Variants in GMDS observed in about 807,000 individuals in gnomAD.
The protein encoded by GMDS is GDP-mannose 4,6-dehydratase.
In GMDS, 20 loss-of-function variants were observed where a neutral mutation model predicts 49.9. The observed-to-expected ratio is 0.40, with a 90% CI of 0.28 to 0.58. The LOEUF is 0.58. Ranked by LOEUF, GMDS falls within the 20% of genes least tolerant of loss-of-function variation. The pLI, the probability that GMDS is intolerant of heterozygous loss-of-function variation, is 0.42. For missense variants in GMDS, 362 were observed against 481.4 expected (o/e 0.75, Z 2.32); for synonymous variants, 177 against 178.6 (o/e 0.99, Z 0.07).
intron 2 of GMDS, among the ~76,000 whole-genome samples, chr6:2,122,101 T>C (rs1775169144): frequency 6.6e-6 from 1 of 152,198 alleles, no homozygotes; most frequent in African/African-American, 2.4e-5. Flanking sequence ...AAAGGCTAGA[T>C]TCAAAATAAT....
At chr6:2,211,628 C>A (rs1306082963) in intron 1 of GMDS, among the ~76,000 whole-genome samples, 1 of 152,080 alleles carries the variant, frequency 6.6e-6, no homozygotes, top group African/African-American at 2.4e-5. Flanking sequence ...CTCTTTGTAG[C>A]AAGATCTTCC....
At chr6:1,927,850 G>A (rs1762101283) in intron 7 of GMDS, among the ~76,000 whole-genome samples, 1 of 152,126 alleles carries the variant, frequency 6.6e-6, no homozygotes, top group Admixed American at 6.5e-5. Context: ...AATTACAAAG[G>A]TTTACACATG....
At chr6:1,916,528 G>A (rs1761408452) in intron 7 of GMDS, among the ~76,000 whole-genome samples, 1 of 151,964 alleles carries the variant, frequency 6.6e-6, no homozygotes, top group Admixed American at 6.6e-5. Context: ...AGAGGGAAAG[G>A]AGAGTGAAAG....
chr6:1,869,262 T>G (rs1319254985), intron 7 of GMDS, among the ~76,000 whole-genome samples: 1 of 152,194 alleles, frequency 6.6e-6, no homozygotes, highest in East Asian at 1.9e-4. Flanking sequence ...GTTTTCAAAG[T>G]CGTAGATTGT....
intron 7 of GMDS, among the ~76,000 whole-genome samples, chr6:1,852,094 C>T (rs531792434): frequency 1.3e-5 from 2 of 152,340 alleles, no homozygotes; most frequent in East Asian, 3.9e-4. Context: ...TGGGCCATAG[C>T]GGAGGCTCTG....
chr6:2,017,178 C>T (rs1001845996), intron 4 of GMDS, among the ~76,000 whole-genome samples: 14 of 151,766 alleles, frequency 9.2e-5, no homozygotes, highest in African/African-American at 2.4e-5. Flanking sequence ...GTGGGGGTGG[C>T]GAGGGTGGAG....
intron 7 of GMDS, among the ~76,000 whole-genome samples, chr6:1,814,480 C>T (rs1379050442): frequency 6.6e-6 from 1 of 151,920 alleles, no homozygotes; most frequent in Non-Finnish European, 1.5e-5. Context: ...ACCACCCACA[C>T]TGTATGTTCT....
intron 7 of GMDS, among the ~76,000 whole-genome samples, chr6:1,910,550 C>A (rs1196561695): frequency 1.3e-5 from 2 of 151,972 alleles, no homozygotes; most frequent in Admixed American, 6.6e-5. Flanking sequence ...TGAACTCCAG[C>A]CCCCTCCCTT....
Position 1,742,494 on chromosome 6 carries a change from T to C in GMDS, c.864A>G (p.Ser288=), listed in dbSNP as rs760299484. 1.2e-6 allele frequency: 2 copies of C among 1,606,060 alleles called. No homozygotes were observed. Among genetic ancestry groups the C allele is most frequent in the Non-Finnish European group, 1.7e-6 (2 of 1,172,744 alleles). The part of the protein sequence containing the change: ...VHSVREFVEK[S]FLHIGKTIVW... The stretch of plus-strand genomic sequence containing the variant: ...CAATGGTTTTTCCAATGTGCAAGAA[T>C]GATTTCTCGACAAATTCCCGGACAC... The change falls in exon 8 of 11, where the codon TCA becomes TCG. Residue 288 remains serine, a synonymous_variant. Transcript: ENST00000380815.
chr6:1,978,284 C>T (rs1450505884), intron 4 of GMDS, among the ~76,000 whole-genome samples: 1 of 152,156 alleles, frequency 6.6e-6, no homozygotes, highest in South Asian at 2.1e-4. Context: ...ACGGGACCTA[C>T]CTGGTGGGCC....
chr6:1,669,869 C>T (rs372086638), intron 9 of GMDS, among the ~76,000 whole-genome samples: 9 of 146,816 alleles, frequency 6.1e-5, no homozygotes, highest in Admixed American at 4.2e-4. Flanking sequence ...GCCGAGATCG[C>T]GCCACTGCAC....
chr6:2,124,559 C>T (rs567217562), intron 2 of GMDS, 128 bp downstream of exon 2: 16 of 756,224 alleles, frequency 2.1e-5, no homozygotes, highest in South Asian at 1.4e-4. Context: ...CATTCTTCCC[C>T]GGATTCTGAT....
In GMDS at chr6:2,066,061, A is replaced by G. The variant is rs187967445; in HGVS notation, c.345+49710T>C. On this transcript the variant is annotated intron_variant, in intron 4 of 10. Coordinates refer to ENST00000380815, the MANE Select transcript of GMDS (RefSeq NM_001500.4). ...CCTCAAAGGGAAGCCCATCAGACTA[A>G]GCGGATCTCTCGGCAGAAACTCTAC... 1.7e-3 allele frequency among the ~76,000 whole-genome samples: 265 copies of G among 152,318 alleles called. 1 individual carries two copies. The highest frequency in any genetic ancestry group is 6.0e-3 in the South Asian group (29 of 4,824).
intron 9 of GMDS, among the ~76,000 whole-genome samples, chr6:1,637,906 T>C (rs1763214383): frequency 6.6e-6 from 1 of 152,230 alleles, no homozygotes; most frequent in Admixed American, 6.5e-5. Flanking sequence ...TCGAGGTGGA[T>C]CCTGGATTCA....
chr6:1,764,901 G>A (rs1235735478), intron 7 of GMDS, among the ~76,000 whole-genome samples: 2 of 152,164 alleles, frequency 1.3e-5, no homozygotes, highest in African/African-American at 4.8e-5. Context: ...GCAATTTCAA[G>A]AAAATAAATT....
chr6:2,223,099 AAATCAATCAATCAATC>A, intron 1 of GMDS, among the ~76,000 whole-genome samples: 1 of 151,292 alleles, frequency 6.6e-6, no homozygotes, highest in South Asian at 2.1e-4. Context: ...CAATTCCTTC[AAATCAATCAATCAATC>A]AATCAATCAA....
At chr6:1,916,532 G>C (rs1761408587) in intron 7 of GMDS, among the ~76,000 whole-genome samples, 1 of 151,942 alleles carries the variant, frequency 6.6e-6, no homozygotes. Flanking sequence ...GGAAAGGAGA[G>C]TGAAAGAAAG....
At chr6:1,889,413 A>G (rs1759770500) in intron 7 of GMDS, among the ~76,000 whole-genome samples, 1 of 152,080 alleles carries the variant, frequency 6.6e-6, no homozygotes, top group South Asian at 2.1e-4. Flanking sequence ...TTAAAAAAAG[A>G]GCCGTGCTCC....
At chr6:2,198,665 T>A (rs1430617085) in intron 1 of GMDS, among the ~76,000 whole-genome samples, 1 of 151,864 alleles carries the variant, frequency 6.6e-6, no homozygotes, top group Non-Finnish European at 1.5e-5. Context: ...TTTTACAAAA[T>A]CAGAAAATTA....
Sources: allele counts gnomAD v4.1 joint callset (sites outside exome capture counted in the v4.1 genomes callset), GRCh38; gene constraint gnomAD v4.1.1; transcripts MANE v1.5; gene names NCBI Gene and HGNC (gene_info 2026-07-23, HGNC 2026-07-21).